ZPLD1: variants seen among roughly 807,000 people sequenced by gnomAD.
ZPLD1 encodes the protein zona pellucida like domain containing 1, also known as zona pellucida-like domain-containing protein 1.
In ZPLD1, 34 loss-of-function variants were observed where a neutral mutation model predicts 47.2. That is an observed-to-expected ratio of 0.72 (90% confidence interval 0.55 to 0.96). The LOEUF is 0.96. Among genes scored for constraint, ZPLD1 ranks in the 40% least tolerant of loss-of-function variants. The pLI is 0.00. For synonymous variants in ZPLD1, 176 were observed against 186.2 expected (o/e 0.95, Z 0.45); for missense variants, 512 against 505.8 (o/e 1.01, Z -0.12).
intron 7 of ZPLD1, among the ~76,000 whole-genome samples, chr3:102,405,873 T>A (rs1706675276): frequency 6.6e-6 from 1 of 152,056 alleles, no homozygotes; most frequent in South Asian, 2.1e-4. Flanking sequence ...TTCGCCCGTT[T>A]GGGCCTTGGT....
chr3:102,447,868 G>A (rs890905101), intron 3 of ZPLD1, among the ~76,000 whole-genome samples: 1 of 151,914 alleles, frequency 6.6e-6, no homozygotes, highest in African/African-American at 2.4e-5. Context: ...CTTTATAGGG[G>A]GTAAAGAAGT....
At chr3:102,429,420 T>A (rs1300253131) in intron 8 of ZPLD1, among the ~76,000 whole-genome samples, 1 of 152,202 alleles carries the variant, frequency 6.6e-6, no homozygotes, top group Non-Finnish European at 1.5e-5. Flanking sequence ...TAAAATGTTA[T>A]CTGACGAGGG....
intron 5 of ZPLD1, among the ~76,000 whole-genome samples, chr3:102,457,132 C>G (rs2107341025): frequency 6.6e-6 from 1 of 152,256 alleles, no homozygotes; most frequent in African/African-American, 2.4e-5. Flanking sequence ...ATTGCTTAAT[C>G]TTAGTTATGA....
intron 8 of ZPLD1, among the ~76,000 whole-genome samples, chr3:102,429,811 T>C (rs1305483695): frequency 6.6e-6 from 1 of 152,050 alleles, no homozygotes; most frequent in African/African-American, 2.4e-5. Context: ...GATAAATACA[T>C]AGATAAAAAA....
chr3:102,422,482 G>A (rs756963391), intron 8 of ZPLD1, among the ~76,000 whole-genome samples: 20 of 152,032 alleles, frequency 1.3e-4, no homozygotes, highest in Non-Finnish European at 2.2e-4. Flanking sequence ...TGATCTAAAT[G>A]CATAGCATTT....
rs115986157 is a variant in ZPLD1, at chr3:102,437,972, G to A, written c.-8-508G>A. 5.0e-3 allele frequency among the ~76,000 whole-genome samples: 757 copies of A among 152,284 alleles called. 3 individuals carry two copies. Among genetic ancestry groups the A allele is most frequent in the African/African-American group, 0.017 (713 of 41,570 alleles). On this transcript the variant is annotated intron_variant, in intron 2 of 11. Transcript: ENST00000466937. ...AGTTGCAGTAGTCTGGAATTCTTCT[G>A]TTGGGGGAGACTTTTTTCTGTTTTC...
chr3:102,444,659 G>T (rs542304306), intron 3 of ZPLD1, among the ~76,000 whole-genome samples: 1 of 152,084 alleles, frequency 6.6e-6, no homozygotes, highest in Non-Finnish European at 1.5e-5. Flanking sequence ...TTAAAAAGAT[G>T]GTATAAATTA....
intron 7 of ZPLD1, among the ~76,000 whole-genome samples, chr3:102,412,556 T>A (rs1179937578): frequency 6.6e-6 from 1 of 151,838 alleles, no homozygotes; most frequent in Non-Finnish European, 1.5e-5. Context: ...TTGGAGATGA[T>A]GTATTAGCTG....
intron 7 of ZPLD1, 55 bp from the exon 8 acceptor site, chr3:102,464,116 C>T (rs1707553574): frequency 1.6e-6 from 2 of 1,228,950 alleles, no homozygotes; most frequent in African/African-American, 1.5e-5. Flanking sequence ...GTATTAGTAA[C>T]TAATATCCAA....
At chr3:102,439,109 T>C (rs920509167) in intron 3 of ZPLD1, among the ~76,000 whole-genome samples, 2 of 152,216 alleles carry the variant, frequency 1.3e-5, no homozygotes, top group East Asian at 1.9e-4. Flanking sequence ...TTGATGGGCA[T>C]GTCCCACAGG....
At chr3:102,427,152 G>A (rs573720787) in intron 8 of ZPLD1, among the ~76,000 whole-genome samples, 4 of 152,118 alleles carry the variant, frequency 2.6e-5, no homozygotes, top group Admixed American at 6.6e-5. Flanking sequence ...ATTACCAGCA[G>A]CCTATTTTAT....
intron 3 of ZPLD1, among the ~76,000 whole-genome samples, chr3:102,438,836 A>G (rs142112577): frequency 0.052 from 7,875 of 152,280 alleles, 276 homozygotes; most frequent in Middle Eastern, 0.095. Flanking sequence ...AATATTGCCT[A>G]CTGTGTAAAA....
At chr3:102,424,895 T>G (rs1347776884) in intron 8 of ZPLD1, among the ~76,000 whole-genome samples, 3 of 152,174 alleles carry the variant, frequency 2.0e-5, no homozygotes, top group Non-Finnish European at 4.4e-5. Context: ...TGTTGCAAAT[T>G]ATTGTTCTAA....
chr3:102,455,142 T>C (rs1216490644), intron 4 of ZPLD1, among the ~76,000 whole-genome samples: 1 of 152,246 alleles, frequency 6.6e-6, no homozygotes, highest in Non-Finnish European at 1.5e-5. Flanking sequence ...GCCACAGCTT[T>C]GCCCATGTGC....
chr3:102,447,810 T>C (rs1038292908), intron 3 of ZPLD1, among the ~76,000 whole-genome samples: 2 of 152,190 alleles, frequency 1.3e-5, no homozygotes, highest in South Asian at 2.1e-4. Flanking sequence ...ATATTTTCAG[T>C]AATTGTATGT....
chr3:102,454,593 C>A (rs1018319819), intron 4 of ZPLD1, among the ~76,000 whole-genome samples: 8 of 152,344 alleles, frequency 5.3e-5, no homozygotes, highest in African/African-American at 1.9e-4. Context: ...CAGTGGCTAA[C>A]TCCTGTAATC....
intron 2 of ZPLD1, 53 bp from the exon 3 acceptor site, chr3:102,438,427 A>G (rs561217700): frequency 1.6e-6 from 2 of 1,287,528 alleles, no homozygotes; most frequent in Non-Finnish European, 2.3e-6. Context: ...TCCAGTAAGT[A>G]GGAGTGAAGG....
In ZPLD1 at chr3:102,392,448, A is replaced by T. The variant is rs554552184; in HGVS notation, c.-157+223A>T. Among the ~76,000 whole-genome samples the T allele has an allele frequency of 3.3e-5, 5 of 152,180 alleles. No individual in the cohort carries two copies. The East Asian group carries it at 7.7e-4, about 24-fold the overall frequency. ...TGGTGGGAACCCTCTATAGAGTTCC[A>T]AGGTGGTGCAGGGTATCACATGTGC... is the stretch of plus-strand genomic sequence containing the variant. On this transcript the variant is annotated intron_variant, in intron 7 of 17. Transcript: ENST00000491959.
intron 11 of ZPLD1, 64 bp from the exon 12 acceptor site, chr3:102,477,379 T>A (rs912329789): frequency 7.9e-6 from 12 of 1,512,332 alleles, no homozygotes; most frequent in African/African-American, 1.4e-5. Flanking sequence ...CAGGTAAAAT[T>A]GGGTCAAGGT....
Sources: gnomAD v4.1 joint callset for allele counts (sites outside exome capture counted in the v4.1 genomes callset) on GRCh38, gnomAD v4.1.1 for gene constraint, MANE v1.5 for transcripts, NCBI Gene and HGNC (gene_info 2026-07-23, HGNC 2026-07-21) for gene names.